Variants in ZFHX3 observed in about 807,000 individuals in gnomAD.
ZFHX3 encodes the protein zinc finger homeobox 3, also known as zinc finger homeobox protein 3.
ZFHX3 carries 42 observed loss-of-function variants against 279.1 expected under a neutral mutation model. The observed-to-expected ratio is 0.15, with a 90% CI of 0.12 to 0.19. The LOEUF is 0.19. Among genes scored for constraint, ZFHX3 ranks in the 10% least tolerant of loss-of-function variants. The probability of loss-of-function intolerance (pLI) is 1.00; values close to 1 mark genes in which losing one functional copy is unlikely to be tolerated. For missense variants in ZFHX3, 4,981 were observed against 4,754.0 expected (o/e 1.05, Z -1.40); for synonymous variants, 2,293 against 1,957.8 (o/e 1.17, Z -4.52).
chr16:73,677,763 G>A (rs2052969387), intron 2 of ZFHX3, among the ~76,000 whole-genome samples: 1 of 151,858 alleles, frequency 6.6e-6, no homozygotes, highest in Non-Finnish European at 1.5e-5. Context: ...GAAAATTAGA[G>A]GCTTCAAACA....
At chr16:73,866,441 G>T (rs1369866997) in intron 1 of ZFHX3, among the ~76,000 whole-genome samples, 1 of 151,760 alleles carries the variant, frequency 6.6e-6, no homozygotes, top group Non-Finnish European at 1.5e-5. Flanking sequence ...GGGATTACAG[G>T]TATGAGCCAC....
At chr16:73,820,887 G>A (rs1266105596) in intron 1 of ZFHX3, among the ~76,000 whole-genome samples, 1 of 151,756 alleles carries the variant, frequency 6.6e-6, no homozygotes, top group East Asian at 2.0e-4. Context: ...GACTGAGATT[G>A]ATCAAAGGGA....
intron 1 of ZFHX3, among the ~76,000 whole-genome samples, chr16:73,044,642 T>C (rs1965227984): frequency 6.6e-6 from 1 of 152,086 alleles, no homozygotes. Context: ...AGATGGAGTT[T>C]CGGAGTTTCG....
chr16:73,263,596 G>T (rs1043244985), intron 4 of ZFHX3, among the ~76,000 whole-genome samples: 1 of 152,068 alleles, frequency 6.6e-6, no homozygotes, highest in Admixed American at 6.5e-5. Flanking sequence ...TTCTGTTTCT[G>T]CCTGTGATCC....
chr16:73,029,065 C>G (rs1379203845), intron 1 of ZFHX3, among the ~76,000 whole-genome samples: 2 of 152,134 alleles, frequency 1.3e-5, no homozygotes, highest in African/African-American at 4.8e-5. Flanking sequence ...GTGCACCTTC[C>G]TCAAGCCCAG....
At chr16:73,604,254 T>C (rs184919876) in intron 2 of ZFHX3, among the ~76,000 whole-genome samples, 311 of 151,902 alleles carry the variant, frequency 2.0e-3, no homozygotes, top group Middle Eastern at 0.01. Context: ...TAGTTTTTTT[T>C]CCCCCATTTT....
rs188551750 is a variant in ZFHX3 at position 73,295,171 on chromosome 16, C to G, written c.-1194+23069G>C. Among the ~76,000 whole-genome samples, 578 of 151,740 alleles carry G rather than the reference C, an allele frequency of 3.8e-3. 10 individuals are homozygous for G. Among genetic ancestry groups the G allele is most frequent in the East Asian group, 1.6e-3 (8 of 5,080 alleles). On this transcript the variant is annotated intron_variant, in intron 4 of 17. Transcript: ENST00000641206. ...CGGAGCTTGCAGTGAGCTGAGATCGCGCCACTGCACTCCAGCCTGGGGGAC... is the reference window on the plus strand; with the variant it reads ...CGGAGCTTGCAGTGAGCTGAGATCGGGCCACTGCACTCCAGCCTGGGGGAC...
chr16:73,099,515 A>C (rs1966204710), intron 7 of ZFHX3, among the ~76,000 whole-genome samples: 1 of 152,036 alleles, frequency 6.6e-6, no homozygotes, highest in African/African-American at 2.4e-5. Flanking sequence ...GTTTGAGACC[A>C]GCCTGGCCAA....
chr16:73,550,589 A>G (rs1184109303), intron 2 of ZFHX3, among the ~76,000 whole-genome samples: 2 of 152,232 alleles, frequency 1.3e-5, no homozygotes, highest in African/African-American at 4.8e-5. Flanking sequence ...GTTTTTCAAC[A>G]ATGAGGTCAG....
At chr16:73,590,225 T>G (rs971703098) in intron 2 of ZFHX3, among the ~76,000 whole-genome samples, 10 of 152,220 alleles carry the variant, frequency 6.6e-5, no homozygotes, top group Admixed American at 5.2e-4. Context: ...TTTCCAACAT[T>G]GTCTGTTAAA....
intron 2 of ZFHX3, among the ~76,000 whole-genome samples, chr16:73,556,326 G>A (rs982396468): frequency 3.9e-5 from 6 of 152,062 alleles, no homozygotes; most frequent in Non-Finnish European, 7.4e-5. Context: ...GGGGAGGGGG[G>A]TGGCGGAAGA....
At chr16:73,216,126 A>T (rs1480969327) in intron 5 of ZFHX3, among the ~76,000 whole-genome samples, 2 of 152,226 alleles carry the variant, frequency 1.3e-5, no homozygotes, top group Non-Finnish European at 2.9e-5. Flanking sequence ...TACACAAGGG[A>T]AAAATAAATG....
rs1567662607 is a variant in ZFHX3, at chr16:73,099,702, C to T, written c.-896-6104G>A. 2.3e-5 allele frequency among the ~76,000 whole-genome samples: 3 copies of T among 130,504 alleles called. No homozygotes were observed. In the Admixed American group the frequency reaches 2.4e-4, roughly 10 times the overall value. The allele number at this position is 130,504 out of a possible 152,430, so 85.6% of individuals were successfully genotyped here. On this transcript the variant is annotated intron_variant, in intron 7 of 17. Transcript: ENST00000641206. ...CTCCAGCCTGGGCGACAGAGTGAGA[C>T]TCCATCTCAAAAAAAAAAAAAAAAA...
chr16:73,092,111 GC>G (rs1478434544), intron 8 of ZFHX3, among the ~76,000 whole-genome samples: 28 of 152,184 alleles, frequency 1.8e-4, no homozygotes, highest in African/African-American at 5.8e-4. Flanking sequence ...CTAATGCCCA[GC>G]TAAAAAGGGA....
chr16:72,912,924 C>T (rs532592276), intron 3 of ZFHX3, among the ~76,000 whole-genome samples: 4 of 152,248 alleles, frequency 2.6e-5, no homozygotes, highest in Non-Finnish European at 5.9e-5. Context: ...GGGGTTTCAC[C>T]ACGTTGGCCA....
In ZFHX3 at chr16:72,915,383, G is replaced by A. The variant is rs76899454; in HGVS notation, c.3217-25421C>T. 1.9e-3 allele frequency among the ~76,000 whole-genome samples: 286 copies of A among 152,206 alleles called. 1 individual carries two copies. Among genetic ancestry groups the A allele is most frequent in the African/African-American group, 6.7e-3 (278 of 41,526 alleles). On this transcript the variant is annotated intron_variant, in intron 3 of 9. Transcript: ENST00000268489. ...AGAACACATCAAACAGAAGGCTCTCGACACCCAGTGTCCGGGATCAGCGTG... is the reference window on the plus strand; with the variant it reads ...AGAACACATCAAACAGAAGGCTCTCAACACCCAGTGTCCGGGATCAGCGTG...
At chr16:73,798,421 G>C (rs1024954260) in intron 1 of ZFHX3, among the ~76,000 whole-genome samples, 1 of 151,636 alleles carries the variant, frequency 6.6e-6, no homozygotes, top group Non-Finnish European at 1.5e-5. Context: ...AAAATTTAAG[G>C]AGAAGGTGCA....
intron 5 of ZFHX3, among the ~76,000 whole-genome samples, chr16:73,180,693 C>T (rs574611743): frequency 5.3e-5 from 8 of 151,982 alleles, no homozygotes; most frequent in African/African-American, 1.9e-4. Flanking sequence ...GACAGAATCT[C>T]ACTCTATAGC....
At chr16:72,819,494 C>A (rs2266941) in intron 5 of ZFHX3, among the ~76,000 whole-genome samples, 4,996 of 152,262 alleles carry the variant, frequency 0.033, 598 homozygotes, top group East Asian at 0.28. Context: ...GGTTCTGATT[C>A]AGTAGGTCTG....
Sources: gnomAD v4.1 joint callset for allele counts (sites outside exome capture counted in the v4.1 genomes callset) on GRCh38, gnomAD v4.1.1 for gene constraint, MANE v1.5 for transcripts, NCBI Gene and HGNC (gene_info 2026-07-23, HGNC 2026-07-21) for gene names.